The following NPHP3 variants were observed in gnomAD, a reference collection of about 807,000 sequenced individuals.
NPHP3 encodes the protein nephrocystin 3, also known as nephrocystin-3.
Under a neutral mutation model 171.9 loss-of-function variants are expected in NPHP3, and 123 were observed. The observed-to-expected ratio is 0.72, with a 90% CI of 0.62 to 0.83. The LOEUF is 0.83. NPHP3 is among the 40% of genes least tolerant of loss of function. The pLI is 0.00. For synonymous variants in NPHP3, 558 were observed against 579.2 expected (o/e 0.96, Z 0.52); for missense variants, 1,506 against 1,591.9 (o/e 0.95, Z 0.92).
At chr3:132,683,296 A>G in intron 25 of NPHP3, 103 bp downstream of exon 25, 1 of 1,064,468 alleles carries the variant, frequency 9.4e-7, no homozygotes, top group Non-Finnish European at 1.4e-6. Flanking sequence ...ATATCCTTAA[A>G]TTGTCTTTCA....
chr3:132,715,263 C>A, intron 4 of NPHP3, 45 bp from the exon 5 acceptor site: 2 of 1,558,956 alleles, frequency 1.3e-6, no homozygotes, highest in Non-Finnish European at 1.8e-6. Flanking sequence ...TACCAGAACA[C>A]ATTTGATCAT....
At chr3:132,682,637 GCTATT>G (rs1939060309) in intron 26 of NPHP3, 61 bp downstream of exon 26, 1 of 941,988 alleles carries the variant, frequency 1.1e-6, no homozygotes, top group African/African-American at 1.6e-5. Context: ...CATATTTTGT[GCTATT>G]CTAAGACAAA....
rs182769813 is a variant in NPHP3, at chr3:132,720,820, A to C, written c.394-990T>G. 3.0e-3 allele frequency among the ~76,000 whole-genome samples: 457 copies of C among 152,256 alleles called. 2 individuals carry two copies. Among genetic ancestry groups the C allele is most frequent in the African/African-American group, 0.011 (440 of 41,552 alleles). ...GCTGCCTATAAGTCTCTCCCACAGT[A>C]AAGAGTACACAAACGACACAACAAC... On this transcript the variant is annotated intron_variant, in intron 1 of 26. Coordinates refer to ENST00000337331, the MANE Select transcript of NPHP3 (RefSeq NM_153240.5).
chr3:132,682,334 G>C, intron 26 of NPHP3: 1 of 567,126 alleles, frequency 1.8e-6, no homozygotes, highest in South Asian at 2.1e-5. Flanking sequence ...CAGTGAAATT[G>C]CTAAGCAAAG....
Position 132,683,445 on chromosome 3 carries a change from C to T in NPHP3, c.3650G>A (p.Ser1217Asn). The T allele has an allele frequency of 1.2e-6, 2 of 1,613,230 alleles. No individual in the cohort carries two copies. Among genetic ancestry groups the T allele is most frequent in the Non-Finnish European group, 1.7e-6 (2 of 1,179,354 alleles). Reference protein sequence around the residue: ...RQKSFGPKHPSVATALVNLAV... With the variant: ...RQKSFGPKHPNVATALVNLAV... ...TAAGTTCACCAAGGCAGTAGCTACA[C>T]TAGGGTGCTTTGGGCCAAAAGATTT... The change falls in exon 25 of 27, where the codon AGT becomes AAT. Residue 1217 changes from serine to asparagine, a missense_variant. Ser to Asn is a conservative substitution (Grantham distance 46, BLOSUM62 1). This residue lies in a region of NPHP3 where 569 missense variants were observed against 648.1 expected (regional missense o/e 0.88). Transcript: ENST00000337331.
chr3:132,700,061 A>C lies in NPHP3; in HGVS notation c.1744T>G (p.Leu582Val), dbSNP rs764965933. ...GAGACTGACCAAGAGTGCTGCATCA[A>C]CTACAAGATAAGAACACACACAAAC... is the stretch of plus-strand genomic sequence containing the variant. ...SLIIKRLTLKLMQHSWSVSAL... is the reference protein window; with the variant it reads ...SLIIKRLTLKVMQHSWSVSAL... The change falls in exon 12 of 27, where the codon TTG (leucine) becomes GTG (valine). Residue 582 changes from leucine (L) to valine (V), a missense_variant and splice_region_variant. Physicochemically the swap from Leu to Val is conservative, Grantham distance 32 (BLOSUM62 1). Coordinates refer to ENST00000337331, the MANE Select transcript of NPHP3 (RefSeq NM_153240.5). 1 of 1,614,154 alleles carries C rather than the reference A, an allele frequency of 6.2e-7. No homozygotes were observed. The highest frequency in any genetic ancestry group is 8.5e-7 in the Non-Finnish European group (1 of 1,179,982).
chr3:132,684,784 G>T lies in NPHP3; in HGVS notation c.3340C>A (p.Gln1114Lys). ...ATTTCTAAGGAACGCTTCAGAAACT[G>T]GTCAGCTGTTCTGTGAACACAATCC... ...YLQNNLETAD[Q>K]FLKRSLEMRE... The change falls in exon 24 of 27, where the codon CAG becomes AAG. Residue 1114 changes from glutamine to lysine, a missense_variant. Gln to Lys is a moderately conservative substitution (Grantham distance 53, BLOSUM62 1). Around this residue, in one of 3 missense-constraint regions of NPHP3, gnomAD observed 569 missense variants for 648.1 expected, o/e 0.88. Transcript: ENST00000337331. 6.2e-7 allele frequency: 1 copy of T among 1,613,178 alleles called. No individual in the cohort carries two copies. Among genetic ancestry groups the T allele is most frequent in the South Asian group, 1.1e-5 (1 of 91,066 alleles).
Position 132,722,122 on chromosome 3 carries a change from G to C in NPHP3, c.234C>G (p.Gly78=). ...CGTACTCCAGCTCTGGCACCGACGA[G>C]CCAGTGGACTTGAAGCTGGCCCCCA... The part of the protein sequence containing the change: ...GLLGASFKST[G]SSVPELEYAA... The change falls in exon 1 of 27, where the codon GGC becomes GGG. Residue 78 remains glycine (G), a synonymous_variant. Transcript: ENST00000337331. 6 of 1,606,204 alleles carry C rather than the reference G, an allele frequency of 3.7e-6. No individual in the cohort carries two copies. Among genetic ancestry groups the C allele is most frequent in the South Asian group, 1.1e-5 (1 of 90,982 alleles).
At chr3:132,688,914 G>C (rs780400765) in intron 20 of NPHP3, 23 bp from the exon 21 acceptor site, 1 of 1,613,988 alleles carries the variant, frequency 6.2e-7, no homozygotes, top group Non-Finnish European at 8.5e-7. Flanking sequence ...GGGGTGAAAG[G>C]CCAGTTAAAG....
chr3:132,682,524 T>A (rs570749831), intron 26 of NPHP3, 179 bp downstream of exon 26: 2 of 611,834 alleles, frequency 3.3e-6, no homozygotes, highest in East Asian at 5.6e-5. Context: ...GCAAAATAGA[T>A]CATGCAGGCT....
At position 132,689,393 on chromosome 3, in the gene NPHP3, C is replaced by T. The variant is rs1484470282; in HGVS notation, c.2694-130G>A. ...GCGAGTACTGTGTAATGAGGTAAGA[C>T]TCAGACCACTCACTATCTGAATTCC... On this transcript the variant is annotated intron_variant, in intron 19 of 26. Coordinates refer to ENST00000337331, the MANE Select transcript of NPHP3 (RefSeq NM_153240.5). The T allele has an allele frequency of 9.0e-6, 8 of 888,854 alleles. No homozygotes were observed. In the African/African-American group the frequency reaches 1.3e-4, roughly 15 times the overall value. The allele number at this position is 888,854 out of a possible 1,614,324, so 55.1% of individuals were successfully genotyped here. A position where few individuals can be genotyped will look rare whatever the true frequency, so the allele number is the denominator to read the frequency against.
chr3:132,706,747 C>T (rs1052654337), intron 7 of NPHP3, among the ~76,000 whole-genome samples: 9 of 152,120 alleles, frequency 5.9e-5, no homozygotes, highest in African/African-American at 2.2e-4. Flanking sequence ...AAAATAAACT[C>T]ATCCTTCCAG....
At chr3:132,687,112 T>G in intron 22 of NPHP3, 39 bp downstream of exon 22, 1 of 1,024,840 alleles carries the variant, frequency 9.8e-7, no homozygotes, top group Non-Finnish European at 1.5e-6. Flanking sequence ...TCTTTTCCTC[T>G]TACGTTCAAA....
At chr3:132,721,877 C>A in intron 1 of NPHP3, 86 bp downstream of exon 1, 2 of 1,532,276 alleles carry the variant, frequency 1.3e-6, no homozygotes, top group South Asian at 1.2e-5. Context: ...TTCCGCCGAA[C>A]TTTCAAAGCC....
rs1281792922 is a variant in NPHP3 at position 132,686,465 on chromosome 3, T to TA, written c.3202-79dup. On this transcript the variant is annotated intron_variant, in intron 22 of 26. Coordinates refer to ENST00000337331, the MANE Select transcript of NPHP3 (RefSeq NM_153240.5). ...ATTCTGAAACAATATATGAGGGTCC[T>TA]AAAAAATCTTCCTTTTTTCCCATTT... The TA allele has an allele frequency of 1.2e-5, 19 of 1,560,740 alleles. No individual in the cohort carries two copies. In the South Asian group the frequency reaches 1.2e-4, roughly 10 times the overall value.
At position 132,713,306 on chromosome 3, in the gene NPHP3, T is replaced by C; in HGVS notation, c.958-20A>G. 6.4e-7 allele frequency: 1 copy of C among 1,550,654 alleles called. No homozygotes were observed. The highest frequency in any genetic ancestry group is 8.8e-7 in the Non-Finnish European group (1 of 1,134,446). On this transcript the variant is annotated intron_variant, in intron 5 of 26. Coordinates refer to ENST00000337331, the MANE Select transcript of NPHP3 (RefSeq NM_153240.5). ...ATAGTCCTAAAAACAAATGAAAACA[T>C]ACAAAAGTTTAATGTATTTAACTAA...
At position 132,688,739 on chromosome 3, in the gene NPHP3, C is replaced by T. The variant is rs1036061016; in HGVS notation, c.3036G>A (p.Leu1012=). ...GNAEQLYKQA[L]EISENAYGAD... ...CACCATAAGCATTTTCTGAGATTTC[C>T]AACGCCTGTTTATACAGTTGTTCTG... The change falls in exon 21 of 27, where the codon TTG becomes TTA. Residue 1012 remains leucine (L), a synonymous_variant. Coordinates refer to ENST00000337331, the MANE Select transcript of NPHP3 (RefSeq NM_153240.5). The T allele has an allele frequency of 1.2e-5, 19 of 1,613,998 alleles. No homozygotes were observed. The highest frequency in any genetic ancestry group is 1.6e-5 in the Non-Finnish European group (19 of 1,180,006).
chr3:132,692,257 T>C (rs1242839445), intron 17 of NPHP3, among the ~76,000 whole-genome samples: 2 of 152,164 alleles, frequency 1.3e-5, no homozygotes, highest in Non-Finnish European at 2.9e-5. Context: ...AATGATACAA[T>C]CACCTAATGA....
chr3:132,691,358 A>T lies in NPHP3; in HGVS notation c.2476-72T>A, dbSNP rs2271491. ...CTGTACATCTAACAAGAGATTTGCA[A>T]AAAAGAATTTATAATTATTCCTATT... On this transcript the variant is annotated intron_variant, in intron 17 of 26. Transcript: ENST00000337331. 2.9e-6 allele frequency: 3 copies of T among 1,035,432 alleles called. No individual in the cohort carries two copies. In the African/African-American group the frequency reaches 4.7e-5, roughly 16 times the overall value. The allele number at this position is 1,035,432 out of a possible 1,614,324, so 64.1% of individuals were successfully genotyped here.
Sources: gnomAD v4.1 joint callset for allele counts (sites outside exome capture counted in the v4.1 genomes callset) on GRCh38, gnomAD v4.1.1 for gene constraint, gnomAD v4.1.1 regional missense constraint, MANE v1.5 for transcripts, NCBI Gene and HGNC (gene_info 2026-07-23, HGNC 2026-07-21) for gene names.